The following MKLN1 variants were observed in gnomAD, a reference collection of about 807,000 sequenced individuals.
MKLN1 encodes muskelin.
MKLN1 carries 18 observed loss-of-function variants against 99.0 expected under a neutral mutation model. The ratio of observed to expected loss-of-function variants is 0.18; its 90% confidence interval spans 0.13 to 0.27. The LOEUF is 0.27. MKLN1 is among the 10% of genes least tolerant of loss of function. MKLN1 has a pLI of 1.00. For synonymous variants in MKLN1, 288 were observed against 293.2 expected, an observed-to-expected ratio of 0.98 and a Z score of 0.18; for missense variants, 621 against 875.9, an observed-to-expected ratio of 0.71 and a Z score of 3.67.
chr7:131,127,852 A>G (rs1412548157), intron 1 of MKLN1, among the ~76,000 whole-genome samples: 1 of 152,224 alleles, frequency 6.6e-6, no homozygotes, highest in Non-Finnish European at 1.5e-5. Context: ...GGGATCACAG[A>G]TCAGGAAAAG....
intron 12 of MKLN1, among the ~76,000 whole-genome samples, chr7:131,453,875 A>G (rs1584759646): frequency 1.3e-5 from 2 of 152,302 alleles, no homozygotes; most frequent in East Asian, 3.9e-4. Context: ...TAGAACAATG[A>G]CAAATTATAT....
chr7:131,152,139 A>G (rs1301978071), intron 2 of MKLN1, among the ~76,000 whole-genome samples: 1 of 152,184 alleles, frequency 6.6e-6, no homozygotes, highest in African/African-American at 2.4e-5. Context: ...CCTGGTCTAC[A>G]TAGCAAGACT....
chr7:131,350,660 C>T (rs1410859622), intron 1 of MKLN1, among the ~76,000 whole-genome samples: 1 of 152,216 alleles, frequency 6.6e-6, no homozygotes, highest in African/African-American at 2.4e-5. Context: ...TGGTGTTTTG[C>T]TTCATCAATG....
At chr7:131,473,902 A>C (rs1796896003) in intron 16 of MKLN1, among the ~76,000 whole-genome samples, 1 of 152,176 alleles carries the variant, frequency 6.6e-6, no homozygotes, top group Non-Finnish European at 1.5e-5. Flanking sequence ...TAATCCCCGC[A>C]CTTCAGGAGG....
rs930918792 is a variant in MKLN1, at chr7:131,495,063, T to G, written c.*7335T>G. 2.0e-5 allele frequency: 3 copies of G among 152,222 alleles called. No individual in the cohort carries two copies. The highest frequency in any genetic ancestry group is 6.6e-5 in the Admixed American group (1 of 15,266). The allele number at this position is 152,222 out of a possible 1,614,324, so 9.4% of individuals were successfully genotyped here. On this transcript the variant is annotated 3_prime_UTR_variant, in exon 18 of 18. Transcript: ENST00000352689. ...CGAAGATGAGGACCTCCTTTTCTTG[T>G]GTTGGTCTTGGGAACAAACAGTATT...
chr7:131,449,145 T>C (rs1254378417), intron 12 of MKLN1, among the ~76,000 whole-genome samples: 1 of 152,026 alleles, frequency 6.6e-6, no homozygotes, highest in Non-Finnish European at 1.5e-5. Context: ...AGATGAAAAG[T>C]AGAGAATTAG....
intron 3 of MKLN1, among the ~76,000 whole-genome samples, chr7:131,286,601 A>G (rs772523188): frequency 5.9e-5 from 9 of 152,226 alleles, no homozygotes; most frequent in African/African-American, 9.7e-5. Flanking sequence ...AGATGGACAA[A>G]TGGAAGGTTT....
intron 2 of MKLN1, among the ~76,000 whole-genome samples, chr7:131,152,884 A>AT (rs1190598824): frequency 6.6e-6 from 1 of 151,444 alleles, no homozygotes; most frequent in Non-Finnish European, 1.5e-5. Context: ...TTTTAATTTC[A>AT]TTTTTTTCCT....
chr7:131,119,876 C>T (rs1339540901), intron 1 of MKLN1, among the ~76,000 whole-genome samples: 1 of 152,202 alleles, frequency 6.6e-6, no homozygotes, highest in African/African-American at 2.4e-5. Context: ...CCTTAAATTC[C>T]TCCTCAGAAA....
chr7:131,257,402 G>A (rs56050261), intron 3 of MKLN1, among the ~76,000 whole-genome samples: 15,811 of 152,198 alleles, frequency 0.1, 882 homozygotes, highest in Middle Eastern at 0.12. Flanking sequence ...ACTTTAAAAT[G>A]AATGATAATG....
chr7:131,482,072 C>T (rs1797139363), intron 17 of MKLN1, among the ~76,000 whole-genome samples: 2 of 152,000 alleles, frequency 1.3e-5, no homozygotes, highest in African/African-American at 4.8e-5. Flanking sequence ...AGTCACTTTG[C>T]TAAGTTTAAG....
chr7:131,269,891 T>TA (rs1409596632), intron 3 of MKLN1, among the ~76,000 whole-genome samples: 3 of 151,972 alleles, frequency 2.0e-5, no homozygotes, highest in African/African-American at 4.8e-5. Flanking sequence ...GTTATGGAGG[T>TA]AACTTTTCTT....
At chr7:131,296,007 A>G (rs1430005553) in intron 3 of MKLN1, among the ~76,000 whole-genome samples, 3 of 152,216 alleles carry the variant, frequency 2.0e-5, no homozygotes, top group Non-Finnish European at 2.9e-5. Context: ...TTTAAATTCA[A>G]TAAAACTTAG....
chr7:131,197,987 AC>A (rs1016294270), intron 2 of MKLN1, among the ~76,000 whole-genome samples: 10 of 152,102 alleles, frequency 6.6e-5, no homozygotes, highest in African/African-American at 2.4e-4. Context: ...GGCCCACACC[AC>A]CATACTGGAC....
chr7:131,380,706 A>AAC (rs1229303004), intron 2 of MKLN1, among the ~76,000 whole-genome samples: 1 of 152,170 alleles, frequency 6.6e-6, no homozygotes, highest in East Asian at 1.9e-4. Context: ...TGTATAAATT[A>AAC]GTTTTATTTA....
intron 1 of MKLN1, among the ~76,000 whole-genome samples, chr7:131,350,970 C>A (rs1326601633): frequency 4.6e-5 from 7 of 152,118 alleles, no homozygotes; most frequent in Non-Finnish European, 8.8e-5. Context: ...ACAATTAATA[C>A]CTAGTCCATA....
chr7:131,328,358 G>T (rs1259735934), intron 1 of MKLN1: 6 of 269,006 alleles, frequency 2.2e-5, no homozygotes, highest in Non-Finnish European at 4.4e-5. Flanking sequence ...CCCTGCCCGC[G>T]GGCAAACTAC....
intron 1 of MKLN1, among the ~76,000 whole-genome samples, chr7:131,136,468 T>G (rs529065358): frequency 1.4e-4 from 21 of 152,192 alleles, no homozygotes; most frequent in Non-Finnish European, 2.9e-4. Flanking sequence ...AGTAATGAAG[T>G]ATGAAGAATA....
chr7:131,278,238 A>G (rs553601255), intron 3 of MKLN1, among the ~76,000 whole-genome samples: 1 of 151,818 alleles, frequency 6.6e-6, no homozygotes, highest in South Asian at 2.1e-4. Flanking sequence ...GGGTTTTGCC[A>G]TGTTGCCCAG....
Sources: allele counts gnomAD v4.1 joint callset (sites outside exome capture counted in the v4.1 genomes callset), GRCh38; gene constraint gnomAD v4.1.1; transcripts MANE v1.5; gene names NCBI Gene and HGNC (gene_info 2026-07-23, HGNC 2026-07-21).